PCED1B: variants seen among roughly 807,000 people sequenced by gnomAD.
PCED1B encodes PC-esterase domain-containing protein 1B.
For missense variants in PCED1B, 573 were observed against 573.9 expected, an observed-to-expected ratio of 1.00 and a Z score of 0.02; for synonymous variants, 251 against 246.1, an observed-to-expected ratio of 1.02 and a Z score of -0.19.
At chr12:47,121,968 A>T (rs1939696860) in intron 2 of PCED1B, among the ~76,000 whole-genome samples, 1 of 150,428 alleles carries the variant, frequency 6.6e-6, no homozygotes, top group Non-Finnish European at 1.5e-5. Flanking sequence ...GGGAGGTTGC[A>T]GTGAGCTGAA....
chr12:47,235,498 C>G lies in PCED1B; in HGVS notation c.435C>G (p.Asn145Lys). 2 of 1,613,334 alleles carry G rather than the reference C, an allele frequency of 1.2e-6. No homozygotes were observed. Among genetic ancestry groups the G allele is most frequent in the Admixed American group, 3.3e-5 (2 of 59,976 alleles). ...GAAGCTACCTGGAGAACCTGGAGAA[C>G]CTGTTCCAGTGCCTGGGCCAGGTGC... ...SWRSYLENLE[N>K]LFQCLGQVLP... The change falls in exon 4 of 4, where the codon AAC becomes AAG. Residue 145 changes from asparagine to lysine, a missense_variant. By Grantham distance (94) the Asn-to-Lys change is moderately conservative. Coordinates refer to ENST00000546455, the MANE Select transcript of PCED1B (RefSeq NM_138371.3).
rs140897758 is a variant in PCED1B, at chr12:47,227,469, G to A, written c.-57-7538G>A. Among the ~76,000 whole-genome samples the A allele has an allele frequency of 2.6e-3, 401 of 151,896 alleles. 3 individuals are homozygous for A. The highest frequency in any genetic ancestry group is 9.1e-3 in the African/African-American group (377 of 41,464). The stretch of plus-strand genomic sequence containing the variant: ...CTTACAGGCGAGAGCCACCGTGCCC[G>A]GCCCCATTTCGGGTTCTAACTGGAA... On this transcript the variant is annotated intron_variant, in intron 3 of 3. Coordinates refer to ENST00000546455, the MANE Select transcript of PCED1B (RefSeq NM_138371.3).
At chr12:47,119,815 A>C (rs1234323139) in intron 2 of PCED1B, among the ~76,000 whole-genome samples, 1 of 151,854 alleles carries the variant, frequency 6.6e-6, no homozygotes, top group Non-Finnish European at 1.5e-5. Flanking sequence ...AAATACAAAA[A>C]TTAGCCAGGC....
Position 47,175,643 on chromosome 12 carries a change from G to A in PCED1B, c.-525-40579G>A, listed in dbSNP as rs536393916. Among the ~76,000 whole-genome samples, 16 of 152,008 alleles carry A rather than the reference G, an allele frequency of 1.1e-4. 1 individual carries two copies. The highest frequency in any genetic ancestry group is 4.6e-4 in the Admixed American group (7 of 15,250). ...GGCTGGAGTGCAATGGTGCAATCTC[G>A]GCTCACTGCAACCTCAGCCTCCCAG... is the stretch of plus-strand genomic sequence containing the variant. On this transcript the variant is annotated intron_variant, in intron 2 of 3. Transcript: ENST00000546455.
intron 1 of PCED1B, among the ~76,000 whole-genome samples, chr12:47,096,637 A>G (rs1256225676): frequency 6.6e-6 from 1 of 152,158 alleles, no homozygotes; most frequent in Non-Finnish European, 1.5e-5. Context: ...TGTGGATTGG[A>G]TTCACTTGCA....
chr12:47,110,899 T>C (rs1939165371), intron 2 of PCED1B, among the ~76,000 whole-genome samples: 1 of 151,820 alleles, frequency 6.6e-6, no homozygotes, highest in Admixed American at 6.6e-5. Context: ...AAACATGAGG[T>C]CATAGCACCA....
At chr12:47,178,486 A>C (rs1565585084) in intron 2 of PCED1B, among the ~76,000 whole-genome samples, 1 of 152,290 alleles carries the variant, frequency 6.6e-6, no homozygotes, top group East Asian at 1.9e-4. Context: ...CATCAGGCTT[A>C]TGCTTTCAAA....
chr12:47,087,442 C>G (rs1034074825), intron 1 of PCED1B, among the ~76,000 whole-genome samples: 1 of 152,152 alleles, frequency 6.6e-6, no homozygotes, highest in African/African-American at 2.4e-5. Context: ...TCTAATGCTT[C>G]CCATTTAGGG....
At chr12:47,130,666 A>G (rs973109725) in intron 2 of PCED1B, among the ~76,000 whole-genome samples, 2 of 152,204 alleles carry the variant, frequency 1.3e-5, no homozygotes, top group African/African-American at 4.8e-5. Context: ...TCCAACCTGG[A>G]TAACAAAGTA....
chr12:47,165,037 G>A (rs565825176), intron 2 of PCED1B, among the ~76,000 whole-genome samples: 1 of 152,218 alleles, frequency 6.6e-6, no homozygotes, highest in East Asian at 1.9e-4. Context: ...GGCCTTAGGA[G>A]ACCAATGTTG....
chr12:47,188,142 T>C (rs1942331737), intron 2 of PCED1B, among the ~76,000 whole-genome samples: 1 of 152,184 alleles, frequency 6.6e-6, no homozygotes, highest in Non-Finnish European at 1.5e-5. Context: ...ATTACATGTC[T>C]TATCTCCCCT....
intron 2 of PCED1B, among the ~76,000 whole-genome samples, chr12:47,191,793 TGTTTTGTTGTGTTGTGC>T (rs1481497239): frequency 3.3e-5 from 5 of 149,516 alleles, no homozygotes; most frequent in African/African-American, 1.2e-4. Flanking sequence ...TTGGTTTTTT[TGTTTTGTTGTGTTGTGC>T]TTTTTTTTTT....
At chr12:47,119,457 A>T (rs979621509) in intron 2 of PCED1B, among the ~76,000 whole-genome samples, 1 of 151,346 alleles carries the variant, frequency 6.6e-6, no homozygotes, top group East Asian at 2.0e-4. Context: ...TATTGGGATT[A>T]TAGGGAGATG....
chr12:47,106,993 C>T (rs1938982145), intron 2 of PCED1B, among the ~76,000 whole-genome samples: 1 of 152,122 alleles, frequency 6.6e-6, no homozygotes, highest in African/African-American at 2.4e-5. Context: ...GCAGAGGGCT[C>T]CTGCAGATCG....
chr12:47,167,751 T>A (rs1355296473), intron 2 of PCED1B, among the ~76,000 whole-genome samples: 1 of 152,180 alleles, frequency 6.6e-6, no homozygotes, highest in Admixed American at 6.5e-5. Flanking sequence ...GGTATTCTGT[T>A]ATAGGAAGGC....
At chr12:47,136,300 T>C (rs1444974024) in intron 2 of PCED1B, among the ~76,000 whole-genome samples, 1 of 152,176 alleles carries the variant, frequency 6.6e-6, no homozygotes, top group African/African-American at 2.4e-5. Context: ...TGTCCACCTG[T>C]CAAAAGTTTC....
intron 1 of PCED1B, among the ~76,000 whole-genome samples, chr12:47,101,326 T>C (rs1938697450): frequency 6.6e-6 from 1 of 152,140 alleles, no homozygotes; most frequent in African/African-American, 2.4e-5. Context: ...GAACTAAATG[T>C]TAGTCACTGT....
chr12:47,135,926 G>T, intron 2 of PCED1B: 1 of 199,612 alleles, frequency 5.0e-6, no homozygotes, highest in South Asian at 8.7e-5. Flanking sequence ...ACCAGCTGTG[G>T]TTGGGTTGCT....
chr12:47,114,937 A>G (rs941000237), intron 2 of PCED1B, among the ~76,000 whole-genome samples: 3 of 152,336 alleles, frequency 2.0e-5, no homozygotes, highest in African/African-American at 7.2e-5. Context: ...AAGTTGGACT[A>G]TATGCAAATT....
Sources: gnomAD v4.1 joint callset for allele counts (sites outside exome capture counted in the v4.1 genomes callset) on GRCh38, gnomAD v4.1.1 for gene constraint, MANE v1.5 for transcripts, NCBI Gene and HGNC (gene_info 2026-07-23, HGNC 2026-07-21) for gene names.